FOXJ3: variants seen among roughly 807,000 people sequenced by gnomAD.
FOXJ3 encodes the protein forkhead box J3.
Under a neutral mutation model 76.1 loss-of-function variants are expected in FOXJ3, and 22 were observed. The observed-to-expected ratio is 0.29, with a 90% CI of 0.21 to 0.41. The LOEUF is 0.41. Ranked by LOEUF, FOXJ3 falls within the 10% of genes least tolerant of loss-of-function variation. The pLI is 1.00. For missense variants in FOXJ3, 613 were observed against 762.1 expected (o/e 0.80, Z 2.30); for synonymous variants, 269 against 261.2 (o/e 1.03, Z -0.29).
intron 2 of FOXJ3, among the ~76,000 whole-genome samples, chr1:42,280,093 G>C (rs1490190551): frequency 6.6e-6 from 1 of 151,982 alleles, no homozygotes; most frequent in East Asian, 1.9e-4. Flanking sequence ...TCTGTAAAAT[G>C]CAACAATAGT....
At chr1:42,328,474 G>A (rs1396245614) in intron 1 of FOXJ3, among the ~76,000 whole-genome samples, 1 of 152,096 alleles carries the variant, frequency 6.6e-6, no homozygotes, top group East Asian at 1.9e-4. Flanking sequence ...TTGATGATGG[G>A]AAACAATGGT....
In FOXJ3 at chr1:42,247,558, T is replaced by C. The variant is rs570702357; in HGVS notation, c.444+17557A>G. 4.6e-5 allele frequency among the ~76,000 whole-genome samples: 7 copies of C among 152,236 alleles called. No homozygotes were observed. In the East Asian group the frequency reaches 1.4e-3, roughly 29 times the overall value. On this transcript the variant is annotated intron_variant, in intron 4 of 12. Transcript: ENST00000361346. Reference sequence around the variant, plus strand: ...TCACCATCAATTGCCATTAATCCAATGAAAATCAAAACCATTACAAAATGA... The same window carrying C: ...TCACCATCAATTGCCATTAATCCAACGAAAATCAAAACCATTACAAAATGA...
rs115542633 is a variant in FOXJ3, at chr1:42,188,648, T to C, written c.1645+89A>G. 1.5e-3 allele frequency: 1,150 copies of C among 770,778 alleles called. 16 individuals carry two copies. The African/African-American group carries it at 0.019, about 13-fold the overall frequency. 47.7% of individuals were successfully genotyped at this position (770,778 alleles called of 1,614,324 possible). A position where few individuals can be genotyped will look rare whatever the true frequency, so the allele number is the denominator to read the frequency against. On this transcript the variant is annotated intron_variant, in intron 11 of 12. Transcript: ENST00000361346. ...ATTTGTAAACAGATCACTGTCACCA[T>C]TAGCAGCAAACCAAGTTGGTTAAGA...
intron 5 of FOXJ3, among the ~76,000 whole-genome samples, chr1:42,212,435 T>C (rs1206486501): frequency 6.6e-6 from 1 of 151,904 alleles, no homozygotes; most frequent in Non-Finnish European, 1.5e-5. Context: ...AACTACAAAA[T>C]GTGGTAGAAA....
intron 5 of FOXJ3, among the ~76,000 whole-genome samples, chr1:42,212,962 AAAAAAAAAAC>A (rs1424034764): frequency 2.6e-4 from 38 of 147,838 alleles, no homozygotes; most frequent in South Asian, 1.1e-3. Context: ...TCTAGCAAAA[AAAAAAAAAAC>A]AAAAAAAAAA....
At chr1:42,231,084 G>C (rs1342132139) in intron 4 of FOXJ3, among the ~76,000 whole-genome samples, 2 of 152,058 alleles carry the variant, frequency 1.3e-5, no homozygotes, top group Non-Finnish European at 2.9e-5. Flanking sequence ...GGAGGCCAAG[G>C]CAGGCGGATC....
At chr1:42,324,306 C>T (rs1239352672) in intron 1 of FOXJ3, among the ~76,000 whole-genome samples, 1 of 140,108 alleles carries the variant, frequency 7.1e-6, no homozygotes, top group African/African-American at 2.7e-5. Context: ...TATATATATA[C>T]ACTATATATA....
intron 11 of FOXJ3, among the ~76,000 whole-genome samples, chr1:42,186,104 C>A (rs1443439164): frequency 6.6e-6 from 1 of 151,964 alleles, no homozygotes; most frequent in Non-Finnish European, 1.5e-5. Context: ...GAAATTATGA[C>A]AAAGAATTAC....
At chr1:42,184,611 C>G (rs1010778951) in intron 11 of FOXJ3, among the ~76,000 whole-genome samples, 1 of 152,072 alleles carries the variant, frequency 6.6e-6, no homozygotes, top group African/African-American at 2.4e-5. Flanking sequence ...AAAAACACAA[C>G]TCTGCTTTTC....
At position 42,188,793 on chromosome 1, in the gene FOXJ3, T is replaced by C; in HGVS notation, c.1589A>G (p.Gln530Arg). The change falls in exon 11 of 13, where the codon CAA becomes CGA. Residue 530 changes from glutamine to arginine, a missense_variant. Coordinates refer to ENST00000361346, the MANE Select transcript of FOXJ3 (RefSeq NM_014947.5). ...ATGCATGGCACCATGACAAACATTTTGTTGAACATTACTCTGTGAATGTAT... is the reference window on the plus strand; with the variant it reads ...ATGCATGGCACCATGACAAACATTTCGTTGAACATTACTCTGTGAATGTAT... ...GLIHSQSNVQ[Q>R]NVCHGAMHPT... 5 of 1,612,074 alleles carry C rather than the reference T, an allele frequency of 3.1e-6. No homozygotes were observed. The highest frequency in any genetic ancestry group is 3.4e-6 in the Non-Finnish European group (4 of 1,178,932).
At chr1:42,187,436 C>G (rs77260704) in intron 11 of FOXJ3, among the ~76,000 whole-genome samples, 32 of 152,034 alleles carry the variant, frequency 2.1e-4, no homozygotes. Context: ...AGGTGGTACA[C>G]CTGGTCTAAG....
At chr1:42,258,336 GCAC>G (rs1367126804) in intron 4 of FOXJ3, among the ~76,000 whole-genome samples, 1 of 152,172 alleles carries the variant, frequency 6.6e-6, no homozygotes, top group Non-Finnish European at 1.5e-5. Context: ...GCATTTGCAT[GCAC>G]CACAGATCTA....
At chr1:42,271,956 A>G (rs976433461) in intron 3 of FOXJ3, among the ~76,000 whole-genome samples, 4 of 152,222 alleles carry the variant, frequency 2.6e-5, no homozygotes, top group African/African-American at 7.2e-5. Flanking sequence ...ACAGAGCCTG[A>G]AAATTTAATT....
At chr1:42,295,519 CTTTTTT>C (rs34641810) in intron 2 of FOXJ3, among the ~76,000 whole-genome samples, 3 of 79,074 alleles carry the variant, frequency 3.8e-5, no homozygotes, top group East Asian at 4.3e-4. Context: ...CTACAAGTGT[CTTTTTT>C]TTTTTTTTTT....
chr1:42,282,505 G>A (rs774365765), intron 2 of FOXJ3, among the ~76,000 whole-genome samples: 2 of 152,132 alleles, frequency 1.3e-5, no homozygotes, highest in Non-Finnish European at 2.9e-5. Context: ...CAACTGACAT[G>A]TTGTTTCACA....
chr1:42,228,407 T>C (rs2124459337), intron 4 of FOXJ3, among the ~76,000 whole-genome samples: 1 of 152,184 alleles, frequency 6.6e-6, no homozygotes, highest in African/African-American at 2.4e-5. Flanking sequence ...ATAGTAAGTG[T>C]TCCTGAGAAG....
chr1:42,199,997 C>T (rs1446274479), intron 6 of FOXJ3, among the ~76,000 whole-genome samples: 2 of 99,914 alleles, frequency 2.0e-5, no homozygotes, highest in Non-Finnish European at 3.6e-5. Flanking sequence ...CAGAGCGAGA[C>T]TCTGTCTCAA....
At chr1:42,297,940 A>G (rs2088872) in intron 2 of FOXJ3, among the ~76,000 whole-genome samples, 107,691 of 151,898 alleles carry the variant, frequency 0.71, 38,692 homozygotes, top group Admixed American at 0.8. Flanking sequence ...GGCCTTTTTT[A>G]TTGTTAGAAG....
intron 12 of FOXJ3, among the ~76,000 whole-genome samples, chr1:42,180,388 A>T (rs1646294378): frequency 6.6e-6 from 1 of 152,170 alleles, no homozygotes; most frequent in Non-Finnish European, 1.5e-5. Flanking sequence ...CTCTTCTTGT[A>T]CCAGTTTGGC....
Sources: allele counts gnomAD v4.1 joint callset (sites outside exome capture counted in the v4.1 genomes callset), GRCh38; gene constraint gnomAD v4.1.1; transcripts MANE v1.5; gene names NCBI Gene and HGNC (gene_info 2026-07-23, HGNC 2026-07-21).